TOX2: variants seen among roughly 807,000 people sequenced by gnomAD.
TOX2 encodes TOX high mobility group box family member 2.
Under a neutral mutation model 47.4 loss-of-function variants are expected in TOX2, and 15 were observed. The observed-to-expected ratio is 0.32, with a 90% CI of 0.21 to 0.49. The LOEUF is 0.49. TOX2 is among the 20% of genes least tolerant of loss of function. TOX2 has a pLI of 0.99. For synonymous variants in TOX2, 290 were observed against 296.6 expected, an observed-to-expected ratio of 0.98 and a Z score of 0.23; for missense variants, 622 against 673.1, an observed-to-expected ratio of 0.92 and a Z score of 0.84.
At chr20:44,058,376 A>G (rs1120336) in intron 5 of TOX2, among the ~76,000 whole-genome samples, 85,650 of 151,860 alleles carry the variant, frequency 0.56, 24,541 homozygotes, top group East Asian at 0.74. Context: ...GGGAACCACA[A>G]CCCCCACAGC....
At chr20:43,953,538 T>C (rs1433183399) in intron 1 of TOX2, among the ~76,000 whole-genome samples, 2 of 152,006 alleles carry the variant, frequency 1.3e-5, no homozygotes, top group African/African-American at 4.8e-5. Context: ...CTGATCCGGG[T>C]TGGTGTGTGT....
intron 1 of TOX2, among the ~76,000 whole-genome samples, chr20:43,949,638 T>C (rs1032674397): frequency 1.3e-5 from 2 of 152,232 alleles, no homozygotes; most frequent in African/African-American, 4.8e-5. Flanking sequence ...TTAATTTTAC[T>C]TTCAGACCCC....
Position 43,954,628 on chromosome 20 carries a change from C to G in TOX2, c.100-18739C>G, listed in dbSNP as rs143896402. ...TCCTGGACCTGCCTTGGAGGACAGACACCAGGCAGGGGCCAGCTGAGGAGG... is the reference window on the plus strand; with the variant it reads ...TCCTGGACCTGCCTTGGAGGACAGAGACCAGGCAGGGGCCAGCTGAGGAGG... On this transcript the variant is annotated intron_variant, in intron 1 of 8. Coordinates refer to ENST00000341197, the MANE Select transcript of TOX2 (RefSeq NM_001098797.2). Among the ~76,000 whole-genome samples, 80 of 152,328 alleles carry G rather than the reference C, an allele frequency of 5.3e-4. 2 individuals are homozygous for G. The East Asian group carries it at 0.015, about 28-fold the overall frequency.
At chr20:43,979,878 G>A (rs2070141386) in intron 2 of TOX2, among the ~76,000 whole-genome samples, 2 of 152,160 alleles carry the variant, frequency 1.3e-5, no homozygotes, top group Non-Finnish European at 2.9e-5. Flanking sequence ...AGGCAATAAC[G>A]AATGCTGGTG....
Position 44,051,394 on chromosome 20 carries a change from A to G in TOX2, c.500A>G (p.His167Arg), listed in dbSNP as rs1034520674. The change falls in exon 4 of 9, where the codon CAC becomes CGC. Residue 167 changes from histidine to arginine, a missense_variant. Around this residue, in one of 3 missense-constraint regions of TOX2, gnomAD observed 307 missense variants for 327.3 expected, o/e 0.94. Transcript: ENST00000341197. ...LLGRPAMLAS[H>R]MSALSQSQLI... ...GGTCGCCCGGCAATGCTGGCCAGCC[A>G]CATGAGTGCCCTCAGCCAGTCCCAG... The G allele has an allele frequency of 6.7e-5, 108 of 1,613,968 alleles. No homozygotes were observed. The highest frequency in any genetic ancestry group is 9.0e-5 in the Non-Finnish European group (106 of 1,180,000).
intron 2 of TOX2, among the ~76,000 whole-genome samples, chr20:43,975,860 A>G (rs1361611740): frequency 6.6e-6 from 1 of 151,852 alleles, no homozygotes; most frequent in African/African-American, 2.4e-5. Context: ...AGTGTCTGGA[A>G]CACCGAGAGC....
In TOX2 at chr20:43,916,305, G is replaced by A; in HGVS notation, c.99+1315G>A. The A allele has an allele frequency of 2.2e-6, 2 of 901,858 alleles. No individual in the cohort carries two copies. The highest frequency in any genetic ancestry group is 1.0e-4 in the South Asian group (2 of 19,696). 55.9% of individuals were successfully genotyped at this position (901,858 alleles called of 1,614,324 possible). On this transcript the variant is annotated intron_variant, in intron 1 of 8. Coordinates refer to ENST00000341197, the MANE Select transcript of TOX2 (RefSeq NM_001098797.2). This position sits in a 1 kb window ranked among gnomAD's most constrained non-coding sequence, Gnocchi z 5.0. ...GCCCCTGGTAGTGGGGATGAGGCAG[G>A]AGAGAGGCGTCCCGGCGCGGATCCC...
rs1291913126 is a variant in TOX2, at chr20:43,965,687, A to C, written c.100-7680A>C. 3.9e-5 allele frequency among the ~76,000 whole-genome samples: 6 copies of C among 152,220 alleles called. No homozygotes were observed. The East Asian group carries it at 1.2e-3, about 29-fold the overall frequency. On this transcript the variant is annotated intron_variant, in intron 1 of 8. Transcript: ENST00000341197. Reference sequence around the variant, plus strand: ...AGATATGTGCCTGGTACACGATACAACAAAGGCACTGCCTGGTCTCATTTC... The same window carrying C: ...AGATATGTGCCTGGTACACGATACACCAAAGGCACTGCCTGGTCTCATTTC...
intron 1 of TOX2, among the ~76,000 whole-genome samples, chr20:43,938,964 G>A (rs1048415568): frequency 2.0e-5 from 3 of 152,108 alleles, no homozygotes; most frequent in Non-Finnish European, 2.9e-5. Context: ...AGGTGCCCTC[G>A]CTTCTAGAAG....
chr20:44,038,131 C>A (rs564807527), intron 3 of TOX2, among the ~76,000 whole-genome samples: 2 of 152,196 alleles, frequency 1.3e-5, no homozygotes, highest in Non-Finnish European at 2.9e-5. Context: ...TGCCGTGGCT[C>A]ACACCTATAA....
intron 4 of TOX2, among the ~76,000 whole-genome samples, chr20:44,053,629 C>G (rs6017257): frequency 6.7e-6 from 1 of 150,304 alleles, no homozygotes. Flanking sequence ...CACACACACA[C>G]GTATATACAC....
At chr20:43,984,456 A>G (rs1033028025) in intron 2 of TOX2, among the ~76,000 whole-genome samples, 1 of 152,230 alleles carries the variant, frequency 6.6e-6, no homozygotes, top group Non-Finnish European at 1.5e-5. Context: ...TACTCAGAAA[A>G]AATGGCCTAG....
chr20:44,053,787 T>C (rs1203731572), intron 4 of TOX2, among the ~76,000 whole-genome samples: 1 of 152,016 alleles, frequency 6.6e-6, no homozygotes, highest in Non-Finnish European at 1.5e-5. Context: ...CTTTGATTCA[T>C]TATTCACTAT....
chr20:44,030,237 G>T (rs1370040074), intron 3 of TOX2, among the ~76,000 whole-genome samples: 2 of 152,130 alleles, frequency 1.3e-5, no homozygotes, highest in Non-Finnish European at 2.9e-5. Flanking sequence ...CAGTAATCTG[G>T]TATGAGTCTT....
chr20:44,002,762 A>T (rs953013578), intron 2 of TOX2, among the ~76,000 whole-genome samples: 31 of 152,114 alleles, frequency 2.0e-4, no homozygotes, highest in African/African-American at 7.5e-4. Context: ...CGGCAGGAGA[A>T]TGAGAGAGAG....
intron 5 of TOX2, among the ~76,000 whole-genome samples, chr20:44,058,909 A>ATAG (rs1376210560): frequency 7.9e-5 from 12 of 152,250 alleles, no homozygotes; most frequent in African/African-American, 2.4e-4. Flanking sequence ...TCCCTCTGAC[A>ATAG]TAGTTTACCC....
intron 4 of TOX2, among the ~76,000 whole-genome samples, chr20:44,052,192 C>T (rs1011925606): frequency 6.6e-6 from 1 of 152,266 alleles, no homozygotes; most frequent in East Asian, 1.9e-4. Flanking sequence ...AACATGCATT[C>T]CCCCAACATT....
At chr20:44,054,571 T>A in intron 5 of TOX2, 45 bp downstream of exon 5, 1 of 1,579,316 alleles carries the variant, frequency 6.3e-7, no homozygotes, top group Non-Finnish European at 8.6e-7. Context: ...GGCTTTGTGG[T>A]CCTGGAACCA....
At chr20:44,038,459 C>T (rs1015184686) in intron 3 of TOX2, among the ~76,000 whole-genome samples, 5 of 152,186 alleles carry the variant, frequency 3.3e-5, no homozygotes, top group Admixed American at 6.5e-5. Context: ...TGAACATAGC[C>T]GTTGTTGCCA....
Sources: allele counts gnomAD v4.1 joint callset (sites outside exome capture counted in the v4.1 genomes callset), GRCh38; gene constraint gnomAD v4.1.1; regional missense constraint gnomAD v4.1.1; non-coding constraint Gnocchi (gnomAD v3.1); transcripts MANE v1.5; gene names NCBI Gene and HGNC (gene_info 2026-07-23, HGNC 2026-07-21).